Variants in HNF4A observed in about 807,000 individuals in gnomAD.
HNF4A encodes hepatocyte nuclear factor 4-alpha.
HNF4A carries 15 observed loss-of-function variants against 52.4 expected under a neutral mutation model. That is an observed-to-expected ratio of 0.29 (90% confidence interval 0.19 to 0.44). The LOEUF is 0.44. Ranked by LOEUF, HNF4A falls within the 20% of genes least tolerant of loss-of-function variation. The pLI, the probability that HNF4A is intolerant of heterozygous loss-of-function variation, is 1.00. For synonymous variants in HNF4A, 280 were observed against 264.4 expected (o/e 1.06, Z -0.57); for missense variants, 479 against 647.2 (o/e 0.74, Z 2.82).
At chr20:44,429,449 T>C in intron 9 of HNF4A, 74 bp from the exon 10 acceptor site, 2 of 1,586,530 alleles carry the variant, frequency 1.3e-6, no homozygotes, top group East Asian at 4.5e-5. Context: ...GGGAGAACTT[T>C]CCCGGGCCTC....
intron 1 of HNF4A, among the ~76,000 whole-genome samples, chr20:44,356,205 G>A (rs2062855971): frequency 6.6e-6 from 1 of 152,200 alleles, no homozygotes; most frequent in Admixed American, 6.5e-5. Flanking sequence ...GCAAATTGAG[G>A]TCCACCAGGA....
intron 1 of HNF4A, among the ~76,000 whole-genome samples, chr20:44,380,855 G>A (rs1217393381): frequency 6.6e-6 from 1 of 152,136 alleles, no homozygotes; most frequent in African/African-American, 2.4e-5. Flanking sequence ...ATATCATGAA[G>A]CTTTTCCCTT....
intron 1 of HNF4A, among the ~76,000 whole-genome samples, chr20:44,359,764 G>A (rs1276893505): frequency 6.6e-6 from 1 of 151,946 alleles, no homozygotes; most frequent in African/African-American, 2.4e-5. Flanking sequence ...AATGTACCCT[G>A]GGGCACATAT....
chr20:44,373,678 T>G (rs2063056380), intron 1 of HNF4A, among the ~76,000 whole-genome samples: 1 of 147,176 alleles, frequency 6.8e-6, no homozygotes, highest in East Asian at 2.0e-4. Context: ...ATACACACCC[T>G]TTTTTTTTTA....
At chr20:44,369,360 GTC>G (rs1384652976) in intron 1 of HNF4A, among the ~76,000 whole-genome samples, 1 of 151,180 alleles carries the variant, frequency 6.6e-6, no homozygotes, top group Non-Finnish European at 1.5e-5. Flanking sequence ...AACCCAGGAG[GTC>G]GAGGCTGTAG....
At chr20:44,425,656 C>CTTTTTTTTTTTTT (rs10657596) in intron 8 of HNF4A, among the ~76,000 whole-genome samples, 1 of 129,474 alleles carries the variant, frequency 7.7e-6, no homozygotes, top group Non-Finnish European at 1.6e-5. Flanking sequence ...TTCTTTTTTC[C>CTTTTTTTTTTTTT]TTTTTTTTTT....
intron 1 of HNF4A, among the ~76,000 whole-genome samples, chr20:44,365,786 C>A (rs2062964315): frequency 6.6e-6 from 1 of 152,090 alleles, no homozygotes; most frequent in African/African-American, 2.4e-5. Flanking sequence ...GTGGGTGAAT[C>A]ACTTGACCCC....
intron 9 of HNF4A, among the ~76,000 whole-genome samples, chr20:44,428,719 G>A (rs913303763): frequency 7.2e-5 from 11 of 152,168 alleles, no homozygotes; most frequent in African/African-American, 2.4e-4. Flanking sequence ...ACTGGATGAG[G>A]TAACCCATTG....
intron 1 of HNF4A, among the ~76,000 whole-genome samples, chr20:44,404,815 G>GC: frequency 2.0e-3 from 1 of 510 alleles, no homozygotes; most frequent in Non-Finnish European, 5.3e-3. Context: ...TGGACTGTGT[G>GC]GTGTGTGTGA....
chr20:44,414,367 A>T, intron 4 of HNF4A, 140 bp from the exon 5 acceptor site: 1 of 1,203,542 alleles, frequency 8.3e-7, no homozygotes, highest in African/African-American at 1.5e-5. Flanking sequence ...TTTTACCCTG[A>T]GCTTCCTTCA....
intron 1 of HNF4A, among the ~76,000 whole-genome samples, chr20:44,358,098 C>T (rs897424864): frequency 2.7e-5 from 4 of 145,970 alleles, no homozygotes; most frequent in Non-Finnish European, 6.0e-5. Context: ...TGATAAAATA[C>T]ACCTGGGTTA....
chr20:44,396,054 C>G (rs180728456), intron 1 of HNF4A, among the ~76,000 whole-genome samples: 162 of 152,262 alleles, frequency 1.1e-3, no homozygotes, highest in African/African-American at 3.8e-3. Context: ...AGCTCCAGTG[C>G]CTTAGAATTC....
intron 1 of HNF4A, chr20:44,395,368 T>C (rs6130608): frequency 0.33 from 49,783 of 152,340 alleles, 8,706 homozygotes; most frequent in African/African-American, 0.45. Flanking sequence ...CTGATTTGAT[T>C]AAGCCACAGT....
chr20:44,410,738 C>T (rs1250302898), intron 3 of HNF4A, among the ~76,000 whole-genome samples: 1 of 152,000 alleles, frequency 6.6e-6, no homozygotes, highest in Non-Finnish European at 1.5e-5. Flanking sequence ...CAGAAGAGGA[C>T]ACTGAGGCTA....
chr20:44,407,388 C>T lies in HNF4A; in HGVS notation c.298C>T (p.Arg100Trp), dbSNP rs780813696. 9.9e-6 allele frequency: 16 copies of T among 1,609,660 alleles called. No individual in the cohort carries two copies. The highest frequency in any genetic ancestry group is 2.7e-5 in the African/African-American group (2 of 74,804). Residue 100 changes from arginine to tryptophan, a missense_variant, in exon 3 of 10, where the codon CGG becomes TGG. By Grantham distance (101) the Arg-to-Trp change is moderately radical (BLOSUM62 -3). Coordinates refer to ENST00000316099, the MANE Select transcript of HNF4A (RefSeq NM_000457.6). ...ATCCAAAGCCCTCCCCAGATTTAGC[C>T]GGCAGTGCGTGGTGGACAAAGACAA...
intron 9 of HNF4A, among the ~76,000 whole-genome samples, 183 bp downstream of exon 9, chr20:44,428,670 C>A (rs1337268156): frequency 6.6e-6 from 1 of 152,176 alleles, no homozygotes; most frequent in East Asian, 1.9e-4. Flanking sequence ...TGACTGACAG[C>A]CTTTACTGAA....
intron 1 of HNF4A, among the ~76,000 whole-genome samples, chr20:44,373,814 T>C (rs921776097): frequency 6.6e-6 from 1 of 151,884 alleles, no homozygotes; most frequent in Non-Finnish European, 1.5e-5. Context: ...CTCAGCCTCC[T>C]GAGTAGCTGG....
At chr20:44,426,385 G>A (rs2063814793) in intron 8 of HNF4A, among the ~76,000 whole-genome samples, 1 of 152,116 alleles carries the variant, frequency 6.6e-6, no homozygotes, top group Admixed American at 6.6e-5. Flanking sequence ...GAGTGGGAAG[G>A]TGGAGATAGA....
At chr20:44,358,733 AG>A (rs1182584877) in intron 1 of HNF4A, among the ~76,000 whole-genome samples, 1 of 152,254 alleles carries the variant, frequency 6.6e-6, no homozygotes, top group Non-Finnish European at 1.5e-5. Flanking sequence ...TTGGTGGGTC[AG>A]GGACATGGCA....
Sources: allele counts gnomAD v4.1 joint callset (sites outside exome capture counted in the v4.1 genomes callset), GRCh38; gene constraint gnomAD v4.1.1; transcripts MANE v1.5; gene names NCBI Gene and HGNC (gene_info 2026-07-23, HGNC 2026-07-21).